MAGI1: variants seen among roughly 807,000 people sequenced by gnomAD.
MAGI1 encodes membrane-associated guanylate kinase, WW and PDZ domain-containing protein 1.
Under a neutral mutation model 139.9 loss-of-function variants are expected in MAGI1, and 58 were observed. That is an observed-to-expected ratio of 0.41 (90% CI 0.34 to 0.52). MAGI1 has a LOEUF of 0.52. MAGI1 is among the 20% of genes least tolerant of loss of function. The pLI is 0.12. For missense variants in MAGI1, 1,874 were observed against 1,901.6 expected (o/e 0.99, Z 0.27); for synonymous variants, 812 against 737.9 (o/e 1.10, Z -1.63).
At chr3:65,535,063 C>T (rs1159689146) in intron 2 of MAGI1, among the ~76,000 whole-genome samples, 4 of 151,970 alleles carry the variant, frequency 2.6e-5, no homozygotes, top group African/African-American at 4.8e-5. Flanking sequence ...GAATCCAACA[C>T]GGCTGGTAGA....
At chr3:65,902,632 A>G (rs1039042498) in intron 1 of MAGI1, 1 of 152,534 alleles carries the variant, frequency 6.6e-6, no homozygotes, top group African/African-American at 2.4e-5. Context: ...ACTTATTCCA[A>G]TTTGCGACAG....
intron 2 of MAGI1, among the ~76,000 whole-genome samples, chr3:65,571,557 T>C (rs1045367528): frequency 9.9e-5 from 15 of 151,998 alleles, no homozygotes; most frequent in South Asian, 2.1e-4. Flanking sequence ...GAATATACCA[T>C]AGGTTTATTC....
intron 18 of MAGI1, among the ~76,000 whole-genome samples, chr3:65,373,615 G>A (rs58758784): frequency 0.082 from 12,502 of 152,198 alleles, 1,150 homozygotes; most frequent in African/African-American, 0.22. Flanking sequence ...CAATGAAAGG[G>A]GGGATGTCTG....
intron 2 of MAGI1, among the ~76,000 whole-genome samples, chr3:65,585,523 G>A (rs1053642053): frequency 3.9e-5 from 6 of 152,176 alleles, no homozygotes; most frequent in Non-Finnish European, 8.8e-5. Context: ...AATACCAAGG[G>A]CAGGTGAAGA....
At chr3:65,833,620 T>G (rs952021641) in intron 1 of MAGI1, among the ~76,000 whole-genome samples, 2 of 152,206 alleles carry the variant, frequency 1.3e-5, no homozygotes, top group African/African-American at 4.8e-5. Flanking sequence ...GTCTTTACTA[T>G]GTCATATAAA....
intron 1 of MAGI1, among the ~76,000 whole-genome samples, chr3:65,953,670 G>A (rs906670347): frequency 2.0e-5 from 3 of 152,090 alleles, no homozygotes; most frequent in Non-Finnish European, 4.4e-5. Flanking sequence ...ACAAATCAAG[G>A]TTTGTCTCCC....
chr3:65,911,267 T>C (rs1213452520), intron 1 of MAGI1, among the ~76,000 whole-genome samples: 1 of 151,842 alleles, frequency 6.6e-6, no homozygotes, highest in Non-Finnish European at 1.5e-5. Context: ...GTTTAGACAT[T>C]TTACTCAAAC....
At chr3:65,515,101 T>C (rs565058286) in intron 2 of MAGI1, among the ~76,000 whole-genome samples, 13 of 130,256 alleles carry the variant, frequency 1.0e-4, no homozygotes, top group African/African-American at 3.0e-4. Flanking sequence ...TAGGTGGGAA[T>C]TGAACAATGA....
intron 1 of MAGI1, among the ~76,000 whole-genome samples, chr3:65,957,350 C>CAA (rs1174740233): frequency 0.044 from 4,066 of 91,436 alleles, 272 homozygotes; most frequent in African/African-American, 0.15. Context: ...CCTGTCTCTA[C>CAA]AAAAAAAAAA....
At chr3:65,456,074 T>C (rs970348466) in intron 5 of MAGI1, among the ~76,000 whole-genome samples, 1 of 152,248 alleles carries the variant, frequency 6.6e-6, no homozygotes, top group Non-Finnish European at 1.5e-5. Flanking sequence ...ATGAGCTGCA[T>C]GCTTAGTTTC....
chr3:65,532,243 A>G (rs2078748403), intron 2 of MAGI1, among the ~76,000 whole-genome samples: 4 of 152,168 alleles, frequency 2.6e-5, no homozygotes, highest in Admixed American at 2.6e-4. Context: ...TGGCCTAAAA[A>G]ATTCTCTATG....
At chr3:65,648,966 T>C (rs1003469540) in intron 1 of MAGI1, among the ~76,000 whole-genome samples, 2 of 152,236 alleles carry the variant, frequency 1.3e-5, no homozygotes, top group Non-Finnish European at 2.9e-5. Flanking sequence ...GGACACCCTT[T>C]TCAACAAATG....
At chr3:65,960,194 G>A (rs573807751) in intron 1 of MAGI1, among the ~76,000 whole-genome samples, 4 of 152,138 alleles carry the variant, frequency 2.6e-5, no homozygotes, top group African/African-American at 4.8e-5. Context: ...GTATGTTTCC[G>A]GAGTGATTTA....
intron 1 of MAGI1, among the ~76,000 whole-genome samples, chr3:65,629,595 A>G (rs2084170216): frequency 6.6e-6 from 1 of 151,406 alleles, no homozygotes; most frequent in Non-Finnish European, 1.5e-5. Flanking sequence ...TCAGCACTTC[A>G]GTTTTATAAA....
intron 1 of MAGI1, among the ~76,000 whole-genome samples, chr3:65,796,808 G>T (rs1336517458): frequency 6.6e-6 from 1 of 152,178 alleles, no homozygotes; most frequent in Admixed American, 6.5e-5. Context: ...TTGCTGTCAT[G>T]GGAAAGCGGC....
chr3:65,721,146 C>T (rs1576880277), intron 1 of MAGI1, among the ~76,000 whole-genome samples: 1 of 152,108 alleles, frequency 6.6e-6, no homozygotes. Context: ...GAGACCAACG[C>T]CCTATTGCTT....
intron 2 of MAGI1, among the ~76,000 whole-genome samples, chr3:65,507,351 C>G (rs891786511): frequency 2.0e-5 from 3 of 152,098 alleles, no homozygotes; most frequent in East Asian, 1.9e-4. Context: ...ATCAAAAACT[C>G]AAACATTCAA....
chr3:65,726,073 T>C (rs796165438), intron 1 of MAGI1, among the ~76,000 whole-genome samples: 5 of 152,282 alleles, frequency 3.3e-5, no homozygotes, highest in South Asian at 2.1e-4. Flanking sequence ...AGTAAAGAAA[T>C]ATGAAATTAT....
At chr3:65,875,719 T>G (rs2566349) in intron 1 of MAGI1, among the ~76,000 whole-genome samples, 1 of 152,020 alleles carries the variant, frequency 6.6e-6, no homozygotes, top group Non-Finnish European at 1.5e-5. Context: ...TGCATTACAG[T>G]TTAGTGACCA....
Sources: allele counts gnomAD v4.1 joint callset (sites outside exome capture counted in the v4.1 genomes callset), GRCh38; gene constraint gnomAD v4.1.1; transcripts MANE v1.5; gene names NCBI Gene and HGNC (gene_info 2026-07-23, HGNC 2026-07-21).